The following SORCS2 variants were observed in gnomAD, a reference collection of about 807,000 sequenced individuals.
SORCS2 encodes VPS10 domain-containing receptor SorCS2.
A neutral mutation model predicts 141.6 loss-of-function variants in SORCS2; 100 were observed. The ratio of observed to expected loss-of-function variants is 0.71; its 90% confidence interval spans 0.60 to 0.83. SORCS2 has a LOEUF of 0.83. Ranked by LOEUF, SORCS2 falls within the 40% of genes least tolerant of loss-of-function variation. The probability of loss-of-function intolerance (pLI) is 0.00; values close to 1 mark genes in which losing one functional copy is unlikely to be tolerated. For synonymous variants in SORCS2, 789 were observed against 676.9 expected (o/e 1.17, Z -2.57); for missense variants, 1,646 against 1,560.2 (o/e 1.05, Z -0.93).
chr4:7,579,356 C>T (rs995377897), intron 3 of SORCS2, among the ~76,000 whole-genome samples: 10 of 151,866 alleles, frequency 6.6e-5, no homozygotes, highest in Admixed American at 2.0e-4. Context: ...CACACCCACC[C>T]GTGTGTGTGT....
chr4:7,479,542 G>A (rs1343378918), intron 2 of SORCS2, among the ~76,000 whole-genome samples: 2 of 152,212 alleles, frequency 1.3e-5, no homozygotes, highest in South Asian at 2.1e-4. Context: ...TCTGCACACC[G>A]CTGCCAGGGA....
At chr4:7,318,894 C>T (rs569925600) in intron 1 of SORCS2, among the ~76,000 whole-genome samples, 1 of 152,330 alleles carries the variant, frequency 6.6e-6, no homozygotes, top group African/African-American at 2.4e-5. Flanking sequence ...CCAGTCTTCT[C>T]CTGCCATCTT....
At chr4:7,468,460 C>T (rs1413946975) in intron 2 of SORCS2, among the ~76,000 whole-genome samples, 1 of 152,234 alleles carries the variant, frequency 6.6e-6, no homozygotes, top group Non-Finnish European at 1.5e-5. Flanking sequence ...GAAGAATACA[C>T]TGAAAAAAGA....
intron 2 of SORCS2, among the ~76,000 whole-genome samples, chr4:7,425,265 A>G (rs1726352702): frequency 6.6e-6 from 1 of 152,220 alleles, no homozygotes. Context: ...CAGAGACCCC[A>G]GGACTGGCCT....
rs3889812 is a variant in SORCS2, at chr4:7,378,694, C to T, written c.481-17594C>T. Among the ~76,000 whole-genome samples the T allele has an allele frequency of 1.1e-4, 16 of 152,052 alleles. 1 individual carries two copies. The South Asian group carries it at 1.5e-3, about 14-fold the overall frequency. On this transcript the variant is annotated intron_variant, in intron 1 of 26. Coordinates refer to ENST00000507866, the MANE Select transcript of SORCS2 (RefSeq NM_020777.3). Reference sequence around the variant, plus strand: ...GCCCAACCATAGCAGGTTCCTCCCCCCCACACTGCTACCAGAACACCTGTG... The same window carrying T: ...GCCCAACCATAGCAGGTTCCTCCCCTCCACACTGCTACCAGAACACCTGTG...
intron 3 of SORCS2, among the ~76,000 whole-genome samples, chr4:7,543,782 A>C (rs1346155918): frequency 1.8e-5 from 1 of 56,248 alleles, no homozygotes; most frequent in Non-Finnish European, 3.8e-5. Context: ...CCATCCATCC[A>C]CTCATCCATC....
chr4:7,296,131 C>T (rs1398787061), intron 1 of SORCS2, among the ~76,000 whole-genome samples: 1 of 152,224 alleles, frequency 6.6e-6, no homozygotes, highest in Non-Finnish European at 1.5e-5. Flanking sequence ...TGCAGTGACA[C>T]CTGCTGGTCG....
At chr4:7,712,877 C>A in intron 15 of SORCS2, 24 bp downstream of exon 15, 4 of 1,612,382 alleles carry the variant, frequency 2.5e-6, no homozygotes, top group Non-Finnish European at 3.4e-6. Context: ...AGGCTGGGAT[C>A]GGGCAGGTGG....
intron 1 of SORCS2, among the ~76,000 whole-genome samples, chr4:7,377,492 C>T (rs1430568251): frequency 6.6e-6 from 1 of 152,200 alleles, no homozygotes; most frequent in Admixed American, 6.5e-5. Flanking sequence ...AAGCCGAGAC[C>T]ACATCCTGAT....
intron 10 of SORCS2, among the ~76,000 whole-genome samples, chr4:7,688,089 G>A (rs1230519139): frequency 1.3e-5 from 2 of 152,190 alleles, no homozygotes; most frequent in Admixed American, 6.5e-5. Context: ...TTTCCTGAAT[G>A]GTTTAACTTT....
At chr4:7,546,380 C>A in intron 3 of SORCS2, among the ~76,000 whole-genome samples, 1 of 152,186 alleles carries the variant, frequency 6.6e-6, no homozygotes, top group East Asian at 1.9e-4. Flanking sequence ...AGAGGGAGGC[C>A]TGCTGTGGGA....
In SORCS2 at chr4:7,312,203, C is replaced by CTG. The variant is rs1720109620; in HGVS notation, c.481-84084_481-84083dup. ...TTTTTCATTCTCTTAACGGTGGCTGCTGAAGAGCGTAAGTACTTCATTTGG... is the reference window on the plus strand; with the variant it reads ...TTTTTCATTCTCTTAACGGTGGCTGCTGTGAAGAGCGTAAGTACTTCATTTGG... On this transcript the variant is annotated intron_variant, in intron 1 of 26. Coordinates refer to ENST00000507866, the MANE Select transcript of SORCS2 (RefSeq NM_020777.3). Among the ~76,000 whole-genome samples, 4 of 152,276 alleles carry CTG rather than the reference C, an allele frequency of 2.6e-5. No homozygotes were observed. The South Asian group carries it at 8.3e-4, about 32-fold the overall frequency.
intron 4 of SORCS2, among the ~76,000 whole-genome samples, chr4:7,641,020 T>A (rs1720696521): frequency 6.6e-6 from 1 of 152,132 alleles, no homozygotes; most frequent in Non-Finnish European, 1.5e-5. Context: ...AGAGAAGGGT[T>A]GGAAAGAGGC....
At chr4:7,441,657 TAGCCCAGATCACCCTCCACCTCCTGC>T (rs1727674574) in intron 2 of SORCS2, among the ~76,000 whole-genome samples, 1 of 39,366 alleles carries the variant, frequency 2.5e-5, no homozygotes, top group Admixed American at 2.6e-4. Flanking sequence ...CCCCCTCCCC[TAGCCCAGATCACCCTCCACCTCCTGC>T]CCCAGCCCAG....
intron 3 of SORCS2, among the ~76,000 whole-genome samples, chr4:7,569,699 GGGC>G (rs1715255928): frequency 6.6e-6 from 1 of 152,180 alleles, no homozygotes; most frequent in Non-Finnish European, 1.5e-5. Flanking sequence ...AGCCACCACA[GGGC>G]GGGGCCGTCT....
chr4:7,307,198 C>G (rs1451797960), intron 1 of SORCS2, among the ~76,000 whole-genome samples: 1 of 152,202 alleles, frequency 6.6e-6, no homozygotes, highest in Non-Finnish European at 1.5e-5. Flanking sequence ...CCCCTCTCCC[C>G]AGGCGACGTT....
chr4:7,670,374 G>A (rs1053274090), intron 8 of SORCS2, among the ~76,000 whole-genome samples: 2 of 152,056 alleles, frequency 1.3e-5, no homozygotes, highest in African/African-American at 4.8e-5. Context: ...GCTATAAATA[G>A]AGAAAAGAGA....
At chr4:7,666,961 C>T (rs1274996672) in intron 7 of SORCS2, among the ~76,000 whole-genome samples, 163 bp from the exon 8 acceptor site, 2 of 151,908 alleles carry the variant, frequency 1.3e-5, no homozygotes, top group African/African-American at 4.8e-5. Context: ...TAATTTGGGG[C>T]TTTGAAGGAT....
At chr4:7,404,304 A>G (rs550916483) in intron 2 of SORCS2, among the ~76,000 whole-genome samples, 1 of 152,238 alleles carries the variant, frequency 6.6e-6, no homozygotes, top group African/African-American at 2.4e-5. Flanking sequence ...TGCGATAAAC[A>G]TATGAGTGCA....
Sources: gnomAD v4.1 joint callset for allele counts (sites outside exome capture counted in the v4.1 genomes callset) on GRCh38, gnomAD v4.1.1 for gene constraint, MANE v1.5 for transcripts, NCBI Gene and HGNC (gene_info 2026-07-23, HGNC 2026-07-21) for gene names.